Variants in ELN observed in about 807,000 individuals in gnomAD.
ELN encodes elastin, also known as tropoelastin.
Under a neutral mutation model 105.8 loss-of-function variants are expected in ELN, and 65 were observed. The ratio of observed to expected loss-of-function variants is 0.61; its 90% CI spans 0.50 to 0.75. The LOEUF (loss-of-function observed/expected upper bound fraction) is 0.75. Among genes scored for constraint, ELN ranks in the 30% least tolerant of loss-of-function variants. The pLI is 0.00. For missense variants in ELN, 882 were observed against 969.4 expected (o/e 0.91, Z 1.20); for synonymous variants, 368 against 389.2 (o/e 0.95, Z 0.64).
chr7:74,058,715 G>A (rs1795940879), intron 22 of ELN, among the ~76,000 whole-genome samples: 1 of 152,122 alleles, frequency 6.6e-6, no homozygotes, highest in African/African-American at 2.4e-5. Flanking sequence ...GCAGCCCCAG[G>A]TGCCCACACT....
chr7:74,048,864 C>T (rs1038358607), intron 15 of ELN, among the ~76,000 whole-genome samples: 4 of 151,654 alleles, frequency 2.6e-5, no homozygotes, highest in Admixed American at 1.3e-4. Flanking sequence ...TCCACTCATC[C>T]GTCCATTCAT....
At chr7:74,040,435 G>A (rs1283708819) in intron 4 of ELN, among the ~76,000 whole-genome samples, 2 of 152,246 alleles carry the variant, frequency 1.3e-5, no homozygotes, top group African/African-American at 2.4e-5. Context: ...GGGACGAGGA[G>A]TGGTTAGTAA....
intron 8 of ELN, chr7:74,043,659 C>T: frequency 1.5e-6 from 1 of 662,900 alleles, no homozygotes; most frequent in South Asian, 1.7e-5. Context: ...TAAACAGGCT[C>T]CAGGAGACGG....
At chr7:74,050,419 A>T (rs1403446255) in intron 15 of ELN, among the ~76,000 whole-genome samples, 1 of 150,468 alleles carries the variant, frequency 6.6e-6, no homozygotes, top group Non-Finnish European at 1.5e-5. Context: ...CCATCCATCC[A>T]TCAATCCATC....
At chr7:74,064,091 A>G (rs1470585849) in intron 29 of ELN, among the ~76,000 whole-genome samples, 3 of 150,524 alleles carry the variant, frequency 2.0e-5, no homozygotes, top group African/African-American at 7.4e-5. Context: ...CAGCAGAGTG[A>G]GACCCTGTCA....
chr7:74,056,673 C>T lies in ELN; in HGVS notation c.1317C>T (p.Pro439=), dbSNP rs201861098. ...TCTTTCTTTCTCGTTTCCTTGTAGCCGAAGCTCAGGCAGCAGCTGCCGCCA... is the reference window on the plus strand; with the variant it reads ...TCTTTCTTTCTCGTTTCCTTGTAGCTGAAGCTCAGGCAGCAGCTGCCGCCA... ...VGGVPGVGIS[P]EAQAAAAAKA... The change falls in exon 21 of 33, where the codon CCC becomes CCT. Residue 439 remains proline, a splice_region_variant and synonymous_variant. Transcript: ENST00000252034. The T allele has an allele frequency of 6.6e-5, 107 of 1,613,792 alleles. No homozygotes were observed. In the Middle Eastern group the frequency reaches 8.2e-4, roughly 12 times the overall value.
chr7:74,034,620 G>A (rs1019509034), intron 1 of ELN, among the ~76,000 whole-genome samples: 8 of 152,114 alleles, frequency 5.3e-5, no homozygotes, highest in African/African-American at 4.8e-5. Context: ...CAGGAGAATC[G>A]CTTGAACCTA....
intron 25 of ELN, chr7:74,060,712 C>A: frequency 7.5e-7 from 1 of 1,332,260 alleles, no homozygotes; most frequent in Non-Finnish European, 1.0e-6. Context: ...AGAGTATCTG[C>A]CTCCTCAGTA....
In ELN at chr7:74,056,564, G is replaced by A; in HGVS notation, c.1316-108G>A. On this transcript the variant is annotated intron_variant, in intron 20 of 32. Coordinates refer to ENST00000252034, the MANE Select transcript of ELN (RefSeq NM_000501.4). The stretch of plus-strand genomic sequence containing the variant: ...TGCTCAGGGAGGAGTTGGGGGAGAA[G>A]AAGGGAGGTCGTATCCATGCCTTAC... 1.9e-6 allele frequency: 3 copies of A among 1,602,058 alleles called. No homozygotes were observed. The South Asian group carries it at 3.3e-5, about 18-fold the overall frequency.
chr7:74,042,265 C>CAA (rs35110641), intron 5 of ELN, among the ~76,000 whole-genome samples: 16,713 of 144,502 alleles, frequency 0.12, 1,310 homozygotes, highest in African/African-American at 0.22. Flanking sequence ...ACAAAAAATA[C>CAA]AAAAAAAAAA....
chr7:74,038,067 AG>A (rs1459111176), intron 4 of ELN: 1 of 396,140 alleles, frequency 2.5e-6, no homozygotes, highest in East Asian at 5.6e-5. Flanking sequence ...AGGCAACATC[AG>A]GGATTGCTCC....
intron 8 of ELN, 117 bp downstream of exon 8, chr7:74,043,285 A>G: frequency 6.9e-7 from 1 of 1,446,806 alleles, no homozygotes; most frequent in Non-Finnish European, 9.4e-7. Context: ...GCCTGGCTTC[A>G]GTCGGGCAGA....
chr7:74,037,547 G>A (rs1790258609), intron 3 of ELN, among the ~76,000 whole-genome samples, 160 bp from the exon 4 acceptor site: 1 of 152,188 alleles, frequency 6.6e-6, no homozygotes, highest in Non-Finnish European at 1.5e-5. Flanking sequence ...TAAACCACGA[G>A]TTAGAAGTAG....
chr7:74,057,620 C>T lies in ELN; in HGVS notation c.1358-20C>T. The T allele has an allele frequency of 1.9e-6, 3 of 1,613,962 alleles. No homozygotes were observed. Among genetic ancestry groups the T allele is most frequent in the South Asian group, 1.1e-5 (1 of 91,072 alleles). ...GGGTGTGAGAGATTACTCTCTCACC[C>T]CTTCTCTTCACACCTCCAGGAGTGG... On this transcript the variant is annotated intron_variant, in intron 21 of 32. Transcript: ENST00000252034.
rs1554684275 is a variant in ELN at position 74,061,158 on chromosome 7, C to T, written c.1786+19C>T. 1 of 1,614,044 alleles carries T rather than the reference C, an allele frequency of 6.2e-7. No individual in the cohort carries two copies. The highest frequency in any genetic ancestry group is 1.3e-5 in the African/African-American group (1 of 75,072). On this transcript the variant is annotated intron_variant, in intron 26 of 32. Transcript: ENST00000252034. Reference sequence around the variant, plus strand: ...AAATATGGTGAGTGCACCCCACAACCACTTGTGGCTCCCTTGCCACCACAC... The same window carrying T: ...AAATATGGTGAGTGCACCCCACAACTACTTGTGGCTCCCTTGCCACCACAC...
intron 18 of ELN, among the ~76,000 whole-genome samples, chr7:74,054,243 G>A (rs139731732): frequency 3.3e-5 from 5 of 152,154 alleles, no homozygotes; most frequent in East Asian, 1.9e-4. Flanking sequence ...CAAGGTGGGC[G>A]GATCACCTGA....
At chr7:74,048,360 G>A in intron 14 of ELN, 143 bp from the exon 15 acceptor site, 1 of 1,487,824 alleles carries the variant, frequency 6.7e-7, no homozygotes. Context: ...GAGTGGGGCA[G>A]CTCCATCAGC....
In ELN at chr7:74,033,986, C is replaced by T. The variant is rs3757585; in HGVS notation, c.83-1378C>T. On this transcript the variant is annotated intron_variant, in intron 1 of 32. Coordinates refer to ENST00000252034, the MANE Select transcript of ELN (RefSeq NM_000501.4). ...GCAGGGTCTGGATCCAGCATCACAG[C>T]GTTCCCCAGTGAGAGCTTCACTGGT... 5.3e-4 allele frequency among the ~76,000 whole-genome samples: 80 copies of T among 152,288 alleles called. 2 individuals carry two copies. In the East Asian group the frequency reaches 7.5e-3, roughly 14 times the overall value.
chr7:74,039,393 T>A (rs566972746), intron 4 of ELN, among the ~76,000 whole-genome samples: 5 of 152,062 alleles, frequency 3.3e-5, no homozygotes, highest in Non-Finnish European at 4.4e-5. Context: ...TACAGAAGGG[T>A]CGGCAGAGCC....
Sources: allele counts gnomAD v4.1 joint callset (sites outside exome capture counted in the v4.1 genomes callset), GRCh38; gene constraint gnomAD v4.1.1; transcripts MANE v1.5; gene names NCBI Gene and HGNC (gene_info 2026-07-23, HGNC 2026-07-21).